Variants in UBE2D1 observed in about 807,000 individuals in gnomAD.
UBE2D1 encodes the protein ubiquitin conjugating enzyme E2 D1.
Under a neutral mutation model 24.6 loss-of-function variants are expected in UBE2D1, and 9 were observed. The ratio of observed to expected loss-of-function variants is 0.37; its 90% CI spans 0.22 to 0.64. The LOEUF (loss-of-function observed/expected upper bound fraction) is 0.64, where lower values mean the gene tolerates loss of function less well. UBE2D1 is among the 30% of genes least tolerant of loss of function. The pLI is 0.64. For synonymous variants in UBE2D1, 57 were observed against 57.6 expected, an observed-to-expected ratio of 0.99 and a Z score of 0.04; for missense variants, 87 against 177.1, an observed-to-expected ratio of 0.49 and a Z score of 2.89.
chr10:58,345,782 G>T (rs943350921), intron 1 of UBE2D1, among the ~76,000 whole-genome samples: 1 of 152,114 alleles, frequency 6.6e-6, no homozygotes, highest in African/African-American at 2.4e-5. Context: ...CATTTTGAAA[G>T]ACTTAGGGGA....
intron 1 of UBE2D1, among the ~76,000 whole-genome samples, chr10:58,358,221 A>T (rs1355135974): frequency 1.3e-5 from 2 of 152,158 alleles, no homozygotes; most frequent in African/African-American, 4.8e-5. Flanking sequence ...AAATATGTAC[A>T]TGCAAGTCAT....
intron 1 of UBE2D1, among the ~76,000 whole-genome samples, chr10:58,341,333 A>G (rs748484530): frequency 5.3e-5 from 8 of 152,208 alleles, no homozygotes; most frequent in Non-Finnish European, 1.2e-4. Context: ...ATACAACTTA[A>G]AGAAGCACGG....
At chr10:58,358,846 G>A (rs11597039) in intron 1 of UBE2D1, among the ~76,000 whole-genome samples, 5 of 150,226 alleles carry the variant, frequency 3.3e-5, no homozygotes, top group South Asian at 4.2e-4. Flanking sequence ...CTGCAGCCTC[G>A]AACTCCTGGG....
chr10:58,339,034 T>C (rs1293394313), intron 1 of UBE2D1, among the ~76,000 whole-genome samples: 1 of 152,220 alleles, frequency 6.6e-6, no homozygotes, highest in Non-Finnish European at 1.5e-5. Context: ...AAACTGTTTA[T>C]GTCAGTCTAG....
At chr10:58,365,490 A>T (rs901224126) in intron 5 of UBE2D1, among the ~76,000 whole-genome samples, 1 of 152,250 alleles carries the variant, frequency 6.6e-6, no homozygotes, top group African/African-American at 2.4e-5. Context: ...ATAATGCAGT[A>T]CATATAGCAT....
chr10:58,354,076 T>C (rs942183110), intron 1 of UBE2D1, among the ~76,000 whole-genome samples: 43 of 152,204 alleles, frequency 2.8e-4, no homozygotes, highest in African/African-American at 1.0e-3. Flanking sequence ...GCATCTATTA[T>C]ACATGTCGGG....
chr10:58,338,322 A>G (rs1839924993), intron 1 of UBE2D1, among the ~76,000 whole-genome samples: 1 of 152,242 alleles, frequency 6.6e-6, no homozygotes, highest in African/African-American at 2.4e-5. Flanking sequence ...CTATACTAGA[A>G]TATACTAAAT....
At chr10:58,347,906 C>T (rs1249540684) in intron 1 of UBE2D1, among the ~76,000 whole-genome samples, 1 of 152,136 alleles carries the variant, frequency 6.6e-6, no homozygotes, top group African/African-American at 2.4e-5. Context: ...GCCTTGGCCT[C>T]CCAAAGTGCT....
intron 3 of UBE2D1, 105 bp downstream of exon 3, chr10:58,361,631 C>A: frequency 1.3e-6 from 2 of 1,488,058 alleles, no homozygotes; most frequent in Admixed American, 1.7e-5. Context: ...TATTCTTGTA[C>A]TTTGAATCAC....
chr10:58,344,298 T>G (rs1402215813), intron 1 of UBE2D1, among the ~76,000 whole-genome samples: 8 of 152,118 alleles, frequency 5.3e-5, no homozygotes, highest in African/African-American at 1.7e-4. Flanking sequence ...GCTGTTACAG[T>G]GTTGAGGTGA....
At chr10:58,340,452 T>C (rs1310822477) in intron 1 of UBE2D1, among the ~76,000 whole-genome samples, 1 of 152,202 alleles carries the variant, frequency 6.6e-6, no homozygotes, top group Non-Finnish European at 1.5e-5. Context: ...CATAATTTAA[T>C]ATCAGTAATC....
At chr10:58,363,819 G>A (rs1284862745) in intron 4 of UBE2D1, 133 bp downstream of exon 4, 8 of 574,666 alleles carry the variant, frequency 1.4e-5, no homozygotes, top group Non-Finnish European at 2.3e-5. Context: ...AAACTGTTTT[G>A]TAAAAACTAC....
Position 58,363,602 on chromosome 10 carries a change from A to C in UBE2D1, c.121-7A>C. Reference sequence around the variant, plus strand: ...CAAATGCTGATGCAAATCTTTTGTAATTTCAGCCTGATAGCGCATATCAAG... The same window carrying C: ...CAAATGCTGATGCAAATCTTTTGTACTTTCAGCCTGATAGCGCATATCAAG... On this transcript the variant is annotated splice_polypyrimidine_tract_variant and splice_region_variant and intron_variant, in intron 3 of 6. Coordinates refer to ENST00000373910, the MANE Select transcript of UBE2D1 (RefSeq NM_003338.5). 6.3e-7 allele frequency: 1 copy of C among 1,596,496 alleles called. No individual in the cohort carries two copies. Among genetic ancestry groups the C allele is most frequent in the Non-Finnish European group, 8.5e-7 (1 of 1,172,872 alleles).
chr10:58,344,580 T>G (rs1244556557), intron 1 of UBE2D1, among the ~76,000 whole-genome samples: 1 of 152,160 alleles, frequency 6.6e-6, no homozygotes, highest in Non-Finnish European at 1.5e-5. Flanking sequence ...TGGAGCTATA[T>G]TAGACTTGAC....
chr10:58,361,599 G>C, intron 3 of UBE2D1, 73 bp downstream of exon 3: 1 of 1,580,494 alleles, frequency 6.3e-7, no homozygotes, highest in East Asian at 2.2e-5. Flanking sequence ...CCTTTGATCA[G>C]ATGTTTGTGA....
chr10:58,362,798 C>T (rs1276280548), intron 3 of UBE2D1, among the ~76,000 whole-genome samples: 2 of 151,698 alleles, frequency 1.3e-5, no homozygotes, highest in East Asian at 1.9e-4. Flanking sequence ...GGAAACTTAA[C>T]GAGAAAGTAA....
In UBE2D1 at chr10:58,370,553, T is replaced by C. The variant is rs1840304852; in HGVS notation, c.*1788T>C. ...CATGAAAAATTCTACTTAGCTATAT[T>C]ATTATAAGCTACATTTGCCCTGAAT... On this transcript the variant is annotated 3_prime_UTR_variant, in exon 7 of 7. Coordinates refer to ENST00000373910, the MANE Select transcript of UBE2D1 (RefSeq NM_003338.5). The C allele has an allele frequency of 1.3e-5, 2 of 152,616 alleles. No homozygotes were observed. The highest frequency in any genetic ancestry group is 1.3e-4 in the Admixed American group (2 of 15,254). 9.5% of individuals were successfully genotyped at this position (152,616 alleles called of 1,614,324 possible).
chr10:58,365,351 G>T (rs1840244128), intron 5 of UBE2D1, among the ~76,000 whole-genome samples: 1 of 152,110 alleles, frequency 6.6e-6, no homozygotes, highest in African/African-American at 2.4e-5. Context: ...TTTTGGGACT[G>T]GTTGTCCCAT....
chr10:58,358,108 G>A (rs533886556), intron 1 of UBE2D1, among the ~76,000 whole-genome samples: 1 of 152,110 alleles, frequency 6.6e-6, no homozygotes, highest in South Asian at 2.1e-4. Context: ...ATGGTTCAAG[G>A]CTGTTCCAAC....
Sources: gnomAD v4.1 joint callset for allele counts (sites outside exome capture counted in the v4.1 genomes callset) on GRCh38, gnomAD v4.1.1 for gene constraint, MANE v1.5 for transcripts, NCBI Gene and HGNC (gene_info 2026-07-23, HGNC 2026-07-21) for gene names.